ASIC5: variants seen among roughly 807,000 people sequenced by gnomAD.
ASIC5 encodes the protein acid sensing ion channel subunit family member 5.
In ASIC5, 52 loss-of-function variants were observed where a neutral mutation model predicts 51.2. That is an observed-to-expected ratio of 1.02 (90% CI 0.81 to 1.28). The LOEUF is 1.28. Among genes scored for constraint, ASIC5 ranks in the 50% most tolerant of loss-of-function variants. ASIC5 has a pLI of 0.00. For missense variants in ASIC5, 635 were observed against 595.0 expected (o/e 1.07, Z -0.70); for synonymous variants, 231 against 200.7 (o/e 1.15, Z -1.28).
chr4:155,838,862 C>T lies in ASIC5; in HGVS notation c.1017G>A (p.Gly339=), dbSNP rs780556821. The change falls in exon 7 of 10, where the codon GGG becomes GGA. Residue 339 remains glycine, a synonymous_variant. Coordinates refer to ENST00000537611, the MANE Select transcript of ASIC5 (RefSeq NM_017419.3). ...AGTACTTTTGTAGGTCACATTCTAT[C>T]CCATATCCTTAAAAATAATAAGTGT... ...GCVPFLLPGY[G]IECDLQKYFS... is the part of the protein sequence containing the mutation. The T allele has an allele frequency of 1.3e-6, 2 of 1,562,304 alleles. No individual in the cohort carries two copies. The highest frequency in any genetic ancestry group is 1.8e-6 in the Non-Finnish European group (2 of 1,136,390).
intron 4 of ASIC5, among the ~76,000 whole-genome samples, chr4:155,849,555 T>C (rs1741331274): frequency 6.6e-6 from 1 of 152,060 alleles, no homozygotes; most frequent in African/African-American, 2.4e-5. Context: ...TAGTTAGGAT[T>C]AGAGAAGAGA....
chr4:155,838,498 T>C (rs934533414), intron 7 of ASIC5, among the ~76,000 whole-genome samples: 2 of 152,196 alleles, frequency 1.3e-5, no homozygotes, highest in African/African-American at 4.8e-5. Context: ...ATGATTTCCT[T>C]TCTATTCTGT....
chr4:155,859,805 C>T (rs1741647991), intron 2 of ASIC5, among the ~76,000 whole-genome samples: 1 of 151,898 alleles, frequency 6.6e-6, no homozygotes, highest in Admixed American at 6.6e-5. Context: ...AACTTGTCAC[C>T]CATCACAAAT....
intron 2 of ASIC5, among the ~76,000 whole-genome samples, chr4:155,855,872 A>G (rs771415916): frequency 5.9e-5 from 9 of 151,968 alleles, no homozygotes; most frequent in Non-Finnish European, 1.2e-4. Context: ...GAAAATTTGC[A>G]TCTGTAGAAA....
chr4:155,862,724 C>T (rs577021082), intron 2 of ASIC5, among the ~76,000 whole-genome samples: 45 of 152,236 alleles, frequency 3.0e-4, no homozygotes, highest in East Asian at 1.2e-3. Context: ...TCTTTGCAGC[C>T]GCACTGATCA....
At chr4:155,857,205 C>A (rs1741565224) in intron 2 of ASIC5, among the ~76,000 whole-genome samples, 1 of 151,964 alleles carries the variant, frequency 6.6e-6, no homozygotes. Flanking sequence ...TTCATTGCAG[C>A]CTTGACCTTC....
intron 2 of ASIC5, 28 bp from the exon 3 acceptor site, chr4:155,854,342 A>C: frequency 7.1e-7 from 1 of 1,404,620 alleles, no homozygotes. Flanking sequence ...GGCAATAGTT[A>C]GAATAATGAA....
intron 6 of ASIC5, 43 bp downstream of exon 6, chr4:155,842,164 T>A: frequency 6.3e-7 from 1 of 1,584,844 alleles, no homozygotes; most frequent in Non-Finnish European, 8.6e-7. Context: ...TAAGAAACAC[T>A]TAACTGTCTA....
Position 155,863,472 on chromosome 4 carries a change from G to A in ASIC5, c.323C>T (p.Ala108Val), listed in dbSNP as rs1325989631. The change falls in exon 2 of 10, where the codon GCT becomes GTT. Residue 108 changes from alanine to valine, a missense_variant. Physicochemically the swap from Ala to Val is moderately conservative, Grantham distance 64 (BLOSUM62 0). Transcript: ENST00000537611. ...VQYVEKMEFPAVTFCNLNRFQ... is the reference protein window; with the variant it reads ...VQYVEKMEFPVVTFCNLNRFQ... The stretch of plus-strand genomic sequence containing the variant: ...CCTGTTCAAATTACAAAATGTCACA[G>A]CTGGGAACTCCATCTTTTCCACATA... The A allele has an allele frequency of 1.2e-6, 2 of 1,613,066 alleles. No homozygotes were observed. The highest frequency in any genetic ancestry group is 1.7e-6 in the Non-Finnish European group (2 of 1,179,362).
intron 4 of ASIC5, among the ~76,000 whole-genome samples, chr4:155,846,472 A>G (rs970943772): frequency 6.6e-6 from 1 of 152,142 alleles, no homozygotes; most frequent in Non-Finnish European, 1.5e-5. Flanking sequence ...AGCCTAGTCC[A>G]CAGGCAGTAA....
intron 8 of ASIC5, among the ~76,000 whole-genome samples, chr4:155,835,421 A>G (rs1409999511): frequency 6.6e-6 from 1 of 151,908 alleles, no homozygotes; most frequent in Non-Finnish European, 1.5e-5. Flanking sequence ...GGAAAAAAAA[A>G]AAAAAAGAAA....
intron 7 of ASIC5, among the ~76,000 whole-genome samples, chr4:155,837,899 A>T (rs948936544): frequency 6.6e-6 from 1 of 151,978 alleles, no homozygotes; most frequent in Non-Finnish European, 1.5e-5. Flanking sequence ...TCCCCGCTAA[A>T]CTGCATGCAT....
At chr4:155,862,963 T>C (rs1385593982) in intron 2 of ASIC5, among the ~76,000 whole-genome samples, 1 of 152,138 alleles carries the variant, frequency 6.6e-6, no homozygotes, top group African/African-American at 2.4e-5. Flanking sequence ...ATTGTTTTAT[T>C]TTGTTGTGCA....
chr4:155,852,387 C>T (rs1741403313), intron 3 of ASIC5, 71 bp from the exon 4 acceptor site: 2 of 1,438,992 alleles, frequency 1.4e-6, no homozygotes, highest in Admixed American at 2.5e-5. Flanking sequence ...TTTGCCATAA[C>T]CTTTTTTTTT....
intron 1 of ASIC5, among the ~76,000 whole-genome samples, chr4:155,865,348 T>C (rs928031042): frequency 1.3e-5 from 2 of 152,104 alleles, no homozygotes; most frequent in African/African-American, 4.8e-5. Flanking sequence ...TTATTGTTAC[T>C]AATTAGCAAA....
At chr4:155,859,767 G>T (rs375721709) in intron 2 of ASIC5, among the ~76,000 whole-genome samples, 1 of 151,874 alleles carries the variant, frequency 6.6e-6, no homozygotes, top group Admixed American at 6.6e-5. Context: ...TTTTACAATG[G>T]TTCTTCTCCC....
At chr4:155,844,810 C>G (rs1006807466) in intron 4 of ASIC5, among the ~76,000 whole-genome samples, 2 of 151,998 alleles carry the variant, frequency 1.3e-5, no homozygotes, top group African/African-American at 4.8e-5. Context: ...TGCAGTGGCT[C>G]TAAATAAGTA....
chr4:155,831,212 C>T (rs1024729276), intron 9 of ASIC5, among the ~76,000 whole-genome samples: 3 of 152,222 alleles, frequency 2.0e-5, no homozygotes, highest in African/African-American at 7.2e-5. Flanking sequence ...GACATTTACC[C>T]AGGTGTAGCA....
At chr4:155,836,035 A>G (rs1048723263) in intron 8 of ASIC5, among the ~76,000 whole-genome samples, 1 of 152,238 alleles carries the variant, frequency 6.6e-6, no homozygotes, top group Non-Finnish European at 1.5e-5. Flanking sequence ...AGAAACAAAG[A>G]GAAATGCTAA....
Sources: gnomAD v4.1 joint callset for allele counts (sites outside exome capture counted in the v4.1 genomes callset) on GRCh38, gnomAD v4.1.1 for gene constraint, MANE v1.5 for transcripts, NCBI Gene and HGNC (gene_info 2026-07-23, HGNC 2026-07-21) for gene names.